Variants in OTULIN observed in about 807,000 individuals in gnomAD.
OTULIN encodes OTU deubiquitinase with linear linkage specificity, also known as ubiquitin thioesterase otulin.
OTULIN carries 15 observed loss-of-function variants against 39.6 expected under a neutral mutation model. The ratio of observed to expected loss-of-function variants is 0.38; its 90% CI spans 0.25 to 0.58. The LOEUF is 0.58. Ranked by LOEUF, OTULIN falls within the 20% of genes least tolerant of loss-of-function variation. The pLI is 0.66. For missense variants in OTULIN, 319 were observed against 445.9 expected (o/e 0.72, Z 2.56); for synonymous variants, 156 against 170.3 (o/e 0.92, Z 0.65).
downstream of OTULIN, among the ~76,000 whole-genome samples, chr5:14,702,335 A>C (rs576570348): frequency 4.0e-4 from 61 of 152,238 alleles, no homozygotes; most frequent in Non-Finnish European, 8.1e-4. Flanking sequence ...GACTGGATAC[A>C]CCCAGTGACT....
At chr5:14,689,986 C>T (rs1736483660) in intron 5 of OTULIN, 53 bp from the exon 6 acceptor site, 1 of 1,567,058 alleles carries the variant, frequency 6.4e-7, no homozygotes, top group Non-Finnish European at 8.7e-7. Context: ...TGGTACTATA[C>T]CAGGGATTTT....
downstream of OTULIN, chr5:14,704,771 A>T (rs1478359652): frequency 6.6e-6 from 1 of 151,036 alleles, no homozygotes; most frequent in Non-Finnish European, 1.5e-5. Context: ...TGGTTAGAAT[A>T]AAAAAAAATC....
chr5:14,682,951 T>G (rs1213848137), intron 4 of OTULIN, among the ~76,000 whole-genome samples: 1 of 152,138 alleles, frequency 6.6e-6, no homozygotes, highest in East Asian at 1.9e-4. Context: ...TTTCCTAGAA[T>G]AAAGAAGACT....
At chr5:14,668,836 G>A (rs1018685848) in intron 1 of OTULIN, among the ~76,000 whole-genome samples, 1 of 152,170 alleles carries the variant, frequency 6.6e-6, no homozygotes, top group African/African-American at 2.4e-5. Context: ...AATGCCTTCG[G>A]CTTCACTAAG....
In OTULIN at chr5:14,693,054, G is replaced by T. The variant is rs376636536; in HGVS notation, c.*6G>T. 10 of 1,597,766 alleles carry T rather than the reference G, an allele frequency of 6.3e-6. No individual in the cohort carries two copies. In the Admixed American group the frequency reaches 1.4e-4, roughly 22 times the overall value. On this transcript the variant is annotated 3_prime_UTR_variant, in exon 7 of 7. Transcript: ENST00000284274. ...GTGAGGAGACCAGTCTATGAGAGAC[G>T]CATGCTCCTGACAGCCTGGCGACGT...
chr5:14,710,400 G>A, the OTULIN span: 3 of 152,244 alleles, frequency 2.0e-5, no homozygotes, highest in South Asian at 2.1e-4. Flanking sequence ...CTGGAGATGC[G>A]CTTTTGTGAC....
chr5:14,678,816 G>T, intron 3 of OTULIN, 41 bp downstream of exon 3: 2 of 1,357,440 alleles, frequency 1.5e-6, no homozygotes, highest in Admixed American at 2.1e-5. Flanking sequence ...CTTTCAAATA[G>T]TCTATCATAA....
In OTULIN at chr5:14,690,330, G is replaced by A; in HGVS notation, c.864+22G>A. On this transcript the variant is annotated intron_variant, in intron 6 of 6. Coordinates refer to ENST00000284274, the MANE Select transcript of OTULIN (RefSeq NM_138348.6). The surrounding 1 kb of genome is among the most constrained non-coding windows in gnomAD (Gnocchi z 4.5). Reference sequence around the variant, plus strand: ...ACAGGTAAGTTGTGCTTTTGAGCATGTATTACCCCAAAATAAAGCAGCTTT... The same window carrying A: ...ACAGGTAAGTTGTGCTTTTGAGCATATATTACCCCAAAATAAAGCAGCTTT... 1.9e-6 allele frequency: 3 copies of A among 1,604,694 alleles called. No individual in the cohort carries two copies. The highest frequency in any genetic ancestry group is 2.6e-6 in the Non-Finnish European group (3 of 1,175,474).
chr5:14,714,989 C>G, the OTULIN span, among the ~76,000 whole-genome samples: 1 of 152,232 alleles, frequency 6.6e-6, no homozygotes, highest in African/African-American at 2.4e-5. Context: ...TGTGTCTACC[C>G]AACAAGTACA....
intron 4 of OTULIN, among the ~76,000 whole-genome samples, chr5:14,684,053 A>C (rs1450356482): frequency 1.3e-5 from 2 of 152,158 alleles, no homozygotes; most frequent in East Asian, 3.8e-4. Context: ...TAAAATTCTT[A>C]AGTGTTCTTT....
intron 1 of OTULIN, among the ~76,000 whole-genome samples, chr5:14,672,806 TC>T: frequency 6.6e-6 from 1 of 152,328 alleles, no homozygotes; most frequent in Admixed American, 6.5e-5. Context: ...CCATCTGCTT[TC>T]CAGCTCTTTG....
chr5:14,699,889 A>G (rs148609169), downstream of OTULIN, among the ~76,000 whole-genome samples: 400 of 152,222 alleles, frequency 2.6e-3, no homozygotes, highest in African/African-American at 9.1e-3. Flanking sequence ...TTTGCCTCTG[A>G]CATTAAACTC....
chr5:14,700,668 A>C (rs1475320529), downstream of OTULIN, among the ~76,000 whole-genome samples: 1 of 39,138 alleles, frequency 2.6e-5, no homozygotes, highest in East Asian at 6.0e-4. Flanking sequence ...TACCCTCCCC[A>C]GCCCTCCCCT....
downstream of OTULIN, among the ~76,000 whole-genome samples, chr5:14,702,440 G>C (rs557323225): frequency 2.6e-5 from 4 of 152,274 alleles, no homozygotes; most frequent in East Asian, 5.8e-4. Context: ...TAGGAACCTG[G>C]GCTTGTGAGG....
intron 4 of OTULIN, 105 bp from the exon 5 acceptor site, chr5:14,687,416 C>A: frequency 7.4e-7 from 1 of 1,347,568 alleles, no homozygotes; most frequent in Non-Finnish European, 1.0e-6. Flanking sequence ...ATTCTGGAAA[C>A]AAAGTTAGGT....
chr5:14,715,705 C>T, the OTULIN span, among the ~76,000 whole-genome samples: 3 of 152,270 alleles, frequency 2.0e-5, no homozygotes, highest in South Asian at 2.1e-4. Context: ...ATCCATATGA[C>T]GATACAGACA....
At chr5:14,683,045 G>T (rs984314806) in intron 4 of OTULIN, among the ~76,000 whole-genome samples, 5 of 152,176 alleles carry the variant, frequency 3.3e-5, no homozygotes, top group Non-Finnish European at 7.3e-5. Flanking sequence ...CAGGATTGAT[G>T]GGTGAAGGAT....
chr5:14,685,908 AATTGAAGGTT>A (rs796377278), intron 4 of OTULIN, among the ~76,000 whole-genome samples: 39 of 152,236 alleles, frequency 2.6e-4, no homozygotes, highest in African/African-American at 9.4e-4. Context: ...TGAGAGACTG[AATTGAAGGTT>A]TTGCTGCAGA....
At chr5:14,706,909 A>C in the OTULIN span, 1 of 152,250 alleles carries the variant, frequency 6.6e-6, no homozygotes, top group African/African-American at 2.4e-5. Flanking sequence ...TACAGAATGC[A>C]GGCAGGAGCT....
Sources: gnomAD v4.1 joint callset for allele counts (sites outside exome capture counted in the v4.1 genomes callset) on GRCh38, gnomAD v4.1.1 for gene constraint, Gnocchi (gnomAD v3.1) non-coding constraint, MANE v1.5 for transcripts, NCBI Gene and HGNC (gene_info 2026-07-23, HGNC 2026-07-21) for gene names.